Variants in ITSN1 observed in about 807,000 individuals in gnomAD.
ITSN1 encodes intersectin-1.
A neutral mutation model predicts 239.8 loss-of-function variants in ITSN1; 58 were observed. The observed-to-expected ratio is 0.24, with a 90% confidence interval of 0.20 to 0.30. ITSN1 has a LOEUF of 0.30. Ranked by LOEUF, ITSN1 falls within the 10% of genes least tolerant of loss-of-function variation. ITSN1 has a pLI of 1.00. For synonymous variants in ITSN1, 780 were observed against 770.8 expected, an observed-to-expected ratio of 1.01 and a Z score of -0.20; for missense variants, 1,558 against 2,103.3, an observed-to-expected ratio of 0.74 and a Z score of 5.07.
chr21:33,800,527 G>A (rs1377346447), intron 19 of ITSN1, among the ~76,000 whole-genome samples: 1 of 151,946 alleles, frequency 6.6e-6, no homozygotes, highest in Non-Finnish European at 1.5e-5. Flanking sequence ...TTTTAATTAT[G>A]TAAAAAGAGT....
At position 33,659,705 on chromosome 21, in the gene ITSN1, C is replaced by CTTTTTT. The variant is rs71194859; in HGVS notation, c.-33+17012_-33+17017dup. 1.3e-3 allele frequency among the ~76,000 whole-genome samples: 97 copies of CTTTTTT among 76,582 alleles called. 2 individuals are homozygous for CTTTTTT. The highest frequency in any genetic ancestry group is 0.013 in the Middle Eastern group (1 of 76). 50.2% of individuals were successfully genotyped at this position (76,582 alleles called of 152,430 possible). A position where few individuals can be genotyped will look rare whatever the true frequency, so the allele number is the denominator to read the frequency against. ...TCATGGACTAAGTCAGCAGCCTGTA[C>CTTTTTT]TTTTTTTTTTTTTTTTTTTTTTTTT... On this transcript the variant is annotated intron_variant, in intron 1 of 39. Coordinates refer to ENST00000381318, the MANE Select transcript of ITSN1 (RefSeq NM_003024.3).
At chr21:33,771,800 G>A (rs930586759) in intron 11 of ITSN1, among the ~76,000 whole-genome samples, 10 of 152,184 alleles carry the variant, frequency 6.6e-5, no homozygotes, top group Non-Finnish European at 1.3e-4. Flanking sequence ...GAGTAACAGG[G>A]AAGGAAAGGA....
rs540622877 is a variant in ITSN1, at chr21:33,852,542, T to A, written c.3662-4194T>A. ...ACCTTTTATTGGTAAGGTTTTTTTT[T>A]CCCCGTGATTTTCTCCAGGGCCTAG... On this transcript the variant is annotated intron_variant, in intron 29 of 39. Transcript: ENST00000381318. Among the ~76,000 whole-genome samples, 31 of 152,312 alleles carry A rather than the reference T, an allele frequency of 2.0e-4. No homozygotes were observed. The South Asian group carries it at 6.0e-3, about 30-fold the overall frequency.
chr21:33,865,282 C>A lies in ITSN1; in HGVS notation c.4022C>A (p.Ala1341Asp). Reference sequence around the variant, plus strand: ...TGCAGCCGCCAGCTCAACGGGGCTGCCCTGATCCAGCAGAAGACGGATGAG... The same window carrying A: ...TGCAGCCGCCAGCTCAACGGGGCTGACCTGATCCAGCAGAAGACGGATGAG... ...RFCSRQLNGA[A>D]LIQQKTDEAP... Residue 1341 changes from alanine (A) to aspartate (D), a missense_variant, in exon 32 of 40, where the codon GCC (alanine) becomes GAC (aspartate). Ala to Asp is a moderately radical substitution (Grantham distance 126). Around this residue, in one of 2 missense-constraint regions of ITSN1, gnomAD observed 576 missense variants for 893.3 expected, o/e 0.64. Transcript: ENST00000381318. The surrounding 1 kb of genome is among the most constrained non-coding windows in gnomAD (Gnocchi z 4.4). 1 of 1,601,714 alleles carries A rather than the reference C, an allele frequency of 6.2e-7. No individual in the cohort carries two copies. Among genetic ancestry groups the A allele is most frequent in the South Asian group, 1.1e-5 (1 of 88,630 alleles).
At chr21:33,720,276 G>A (rs546083875) in intron 2 of ITSN1, among the ~76,000 whole-genome samples, 1 of 152,336 alleles carries the variant, frequency 6.6e-6, no homozygotes, top group Admixed American at 6.5e-5. Flanking sequence ...CCGGTAGAGA[G>A]GAGAGATGCA....
At chr21:33,790,864 AT>A (rs2071074436) in intron 16 of ITSN1, among the ~76,000 whole-genome samples, 1 of 152,068 alleles carries the variant, frequency 6.6e-6, no homozygotes, top group African/African-American at 2.4e-5. Flanking sequence ...GTCACTTTGA[AT>A]TTTTTTCTTT....
In ITSN1 at chr21:33,782,101, C is replaced by T. The variant is rs1460213851; in HGVS notation, c.1792C>T (p.Gln598Ter). The T allele has an allele frequency of 1.9e-6, 3 of 1,613,750 alleles. No individual in the cohort carries two copies. The highest frequency in any genetic ancestry group is 2.5e-6 in the Non-Finnish European group (3 of 1,179,748). ...GGAGAAAGAAACTAGATCAAAACTA[C>T]AGGAGATTGATATTTTCAATAATCA... ...EVEKETRSKLQEIDIFNNQLK... is the reference protein window; with the variant it reads ...EVEKETRSKL Residue 598 changes from glutamine to a stop codon, truncating the protein, a stop_gained, in exon 16 of 40, where the codon CAG (glutamine) becomes TAG (stop). Transcript: ENST00000381318. LOFTEE classifies it high-confidence loss of function.
At chr21:33,875,330 G>T in intron 33 of ITSN1, 24 bp from the exon 34 acceptor site, 2 of 1,613,986 alleles carry the variant, frequency 1.2e-6, no homozygotes, top group Middle Eastern at 1.7e-4. Flanking sequence ...AAAAGGAGGT[G>T]GTTGTTTTTA....
intron 1 of ITSN1, among the ~76,000 whole-genome samples, chr21:33,649,743 G>A (rs1327804409): frequency 2.0e-5 from 3 of 152,178 alleles, no homozygotes; most frequent in African/African-American, 4.8e-5. Flanking sequence ...CTGGCCGGGC[G>A]TGGTGGCTCA....
At chr21:33,771,917 T>A (rs903823248) in intron 11 of ITSN1, 144 bp from the exon 12 acceptor site, 9 of 828,010 alleles carry the variant, frequency 1.1e-5, no homozygotes, top group African/African-American at 3.5e-5. Flanking sequence ...GTTTTCGTTG[T>A]GCTCATTAAC....
intron 1 of ITSN1, among the ~76,000 whole-genome samples, chr21:33,695,667 G>C (rs1190809557): frequency 6.6e-6 from 1 of 152,166 alleles, no homozygotes; most frequent in Non-Finnish European, 1.5e-5. Flanking sequence ...TTTATATTAT[G>C]GGTAGAAGGT....
At chr21:33,708,962 AC>A (rs1446050175) in intron 1 of ITSN1, among the ~76,000 whole-genome samples, 3 of 152,130 alleles carry the variant, frequency 2.0e-5, no homozygotes, top group African/African-American at 7.2e-5. Context: ...AAATCAGTTA[AC>A]CAAACGGGTA....
intron 11 of ITSN1, among the ~76,000 whole-genome samples, chr21:33,768,439 C>T (rs2068876175): frequency 6.6e-6 from 1 of 152,056 alleles, no homozygotes; most frequent in Admixed American, 6.6e-5. Flanking sequence ...ATGCACCACG[C>T]CCGGCTAATT....
At chr21:33,776,883 AT>A (rs2069675642) in intron 14 of ITSN1, among the ~76,000 whole-genome samples, 1 of 151,960 alleles carries the variant, frequency 6.6e-6, no homozygotes, top group Admixed American at 6.6e-5. Context: ...TGTTAGTGGT[AT>A]TTTTTAAAGG....
At chr21:33,836,838 G>A in intron 29 of ITSN1, 1 of 704,138 alleles carries the variant, frequency 1.4e-6, no homozygotes, top group Non-Finnish European at 2.4e-6. Context: ...TCCTTCTGTA[G>A]CATGTCCCCT....
chr21:33,678,552 A>G (rs1205495712), intron 1 of ITSN1, among the ~76,000 whole-genome samples: 1 of 152,158 alleles, frequency 6.6e-6, no homozygotes, highest in East Asian at 1.9e-4. Flanking sequence ...CTGCATTCAC[A>G]CTTTAATCAC....
chr21:33,742,764 G>A (rs1191757438), intron 5 of ITSN1, among the ~76,000 whole-genome samples: 2 of 152,202 alleles, frequency 1.3e-5, no homozygotes, highest in East Asian at 3.9e-4. Context: ...CCAGACAAAA[G>A]TAGGGGAGGA....
chr21:33,802,507 C>G, intron 20 of ITSN1, 63 bp downstream of exon 20: 6 of 1,541,490 alleles, frequency 3.9e-6, no homozygotes, highest in Non-Finnish European at 5.4e-6. Context: ...TTTTAAGTCA[C>G]TTGAATTCTG....
At chr21:33,848,827 C>T (rs999559934) in intron 29 of ITSN1, among the ~76,000 whole-genome samples, 33 of 152,230 alleles carry the variant, frequency 2.2e-4, no homozygotes, top group African/African-American at 7.2e-4. Context: ...ATTTGAATCC[C>T]TCACCGCTGC....
Sources: gnomAD v4.1 joint callset for allele counts (sites outside exome capture counted in the v4.1 genomes callset) on GRCh38, gnomAD v4.1.1 for gene constraint, gnomAD v4.1.1 regional missense constraint, Gnocchi (gnomAD v3.1) non-coding constraint, MANE v1.5 for transcripts, NCBI Gene and HGNC (gene_info 2026-07-23, HGNC 2026-07-21) for gene names.